SLIT2: variants seen among roughly 807,000 people sequenced by gnomAD.
The protein encoded by SLIT2 is slit guidance ligand 2, also known as slit homolog 2 protein.
In SLIT2, 41 loss-of-function variants were observed where a neutral mutation model predicts 185.7. The observed-to-expected ratio is 0.22, with a 90% confidence interval of 0.17 to 0.29. The LOEUF is 0.29. Among genes scored for constraint, SLIT2 ranks in the 10% least tolerant of loss-of-function variants. The probability of loss-of-function intolerance (pLI) is 1.00; values close to 1 mark genes in which losing one functional copy is unlikely to be tolerated. For missense variants in SLIT2, 1,571 were observed against 1,909.0 expected, an observed-to-expected ratio of 0.82 and a Z score of 3.30; for synonymous variants, 693 against 680.2, an observed-to-expected ratio of 1.02 and a Z score of -0.29.
intron 8 of SLIT2, among the ~76,000 whole-genome samples, chr4:20,490,414 A>G (rs1717678823): frequency 6.6e-6 from 1 of 151,918 alleles, no homozygotes; most frequent in Non-Finnish European, 1.5e-5. Context: ...CATACATAGT[A>G]TCTTATTTGT....
At chr4:20,583,911 C>G (rs1001414201) in intron 29 of SLIT2, among the ~76,000 whole-genome samples, 3 of 151,966 alleles carry the variant, frequency 2.0e-5, no homozygotes, top group Non-Finnish European at 4.4e-5. Flanking sequence ...GGTATTATTT[C>G]TCATAAAAAC....
At chr4:20,257,150 G>A (rs888081161) in intron 2 of SLIT2, among the ~76,000 whole-genome samples, 5 of 151,716 alleles carry the variant, frequency 3.3e-5, no homozygotes, top group Non-Finnish European at 7.4e-5. Flanking sequence ...ATTTTTTTGC[G>A]AAAATCTAAT....
At chr4:20,325,953 G>A (rs1048437164) in intron 4 of SLIT2, among the ~76,000 whole-genome samples, 3 of 152,070 alleles carry the variant, frequency 2.0e-5, no homozygotes, top group African/African-American at 7.2e-5. Flanking sequence ...TTCTCTGGCA[G>A]CCAAAAATTT....
At chr4:20,325,298 A>C (rs570231372) in intron 4 of SLIT2, among the ~76,000 whole-genome samples, 16 of 151,084 alleles carry the variant, frequency 1.1e-4, no homozygotes, top group Non-Finnish European at 1.9e-4. Flanking sequence ...GGAGAAAAAT[A>C]TCTCTGGGAC....
intron 12 of SLIT2, 39 bp downstream of exon 12, chr4:20,519,492 A>C: frequency 8.4e-7 from 1 of 1,193,970 alleles, no homozygotes; most frequent in Non-Finnish European, 1.2e-6. Flanking sequence ...GAGCCTAATA[A>C]TATATATTAG....
At chr4:20,542,851 TGTGTGTGTGTGC>T (rs748123429) in intron 21 of SLIT2, among the ~76,000 whole-genome samples, 3,140 of 109,592 alleles carry the variant, frequency 0.029, 89 homozygotes, top group Admixed American at 0.12. Context: ...TGTGTGTGTG[TGTGTGTGTGTGC>T]GCTATAAGAT....
intron 4 of SLIT2, among the ~76,000 whole-genome samples, chr4:20,307,445 T>C (rs1227241087): frequency 1.3e-5 from 2 of 151,818 alleles, no homozygotes; most frequent in Non-Finnish European, 2.9e-5. Context: ...TAATTTTTTT[T>C]CATAGAGGCA....
intron 4 of SLIT2, among the ~76,000 whole-genome samples, chr4:20,292,237 T>C (rs540419240): frequency 1.2e-3 from 178 of 152,256 alleles, no homozygotes; most frequent in Non-Finnish European, 2.1e-3. Flanking sequence ...AAATAATGAA[T>C]TGTAGGTTTC....
chr4:20,446,717 G>A (rs1711843344), intron 4 of SLIT2, among the ~76,000 whole-genome samples: 1 of 152,138 alleles, frequency 6.6e-6, no homozygotes, highest in African/African-American at 2.4e-5. Flanking sequence ...AATTAACTAA[G>A]TTTTAGGTAC....
At chr4:20,351,726 G>A (rs922720824) in intron 4 of SLIT2, among the ~76,000 whole-genome samples, 1 of 152,154 alleles carries the variant, frequency 6.6e-6, no homozygotes, top group Non-Finnish European at 1.5e-5. Flanking sequence ...ATGAAAGGAA[G>A]GCCCTGGGCT....
chr4:20,468,278 G>C (rs1366047389), intron 5 of SLIT2, among the ~76,000 whole-genome samples: 1 of 152,046 alleles, frequency 6.6e-6, no homozygotes, highest in East Asian at 1.9e-4. Flanking sequence ...TCTGGAAATA[G>C]TAGATAATAT....
At chr4:20,330,631 ATGTT>A (rs1719983620) in intron 4 of SLIT2, among the ~76,000 whole-genome samples, 1 of 152,028 alleles carries the variant, frequency 6.6e-6, no homozygotes, top group Non-Finnish European at 1.5e-5. Context: ...ATAGATATTT[ATGTT>A]TGTTAGCATA....
intron 26 of SLIT2, among the ~76,000 whole-genome samples, chr4:20,564,025 G>A (rs1426171245): frequency 1.3e-5 from 2 of 151,842 alleles, no homozygotes; most frequent in African/African-American, 4.8e-5. Flanking sequence ...CTGATCAAGT[G>A]TGGAAAATTC....
At chr4:20,577,315 A>G (rs1019257058) in intron 29 of SLIT2, among the ~76,000 whole-genome samples, 1 of 152,232 alleles carries the variant, frequency 6.6e-6, no homozygotes, top group Admixed American at 6.5e-5. Flanking sequence ...CTTAGAAAAC[A>G]AAAATAGGAA....
chr4:20,351,845 C>A (rs1721906865), intron 4 of SLIT2, among the ~76,000 whole-genome samples: 1 of 152,194 alleles, frequency 6.6e-6, no homozygotes, highest in South Asian at 2.1e-4. Context: ...TGAATGTCAG[C>A]AGAGGTCTAT....
intron 30 of SLIT2, among the ~76,000 whole-genome samples, chr4:20,594,244 C>A (rs1727780021): frequency 6.9e-6 from 1 of 145,918 alleles, no homozygotes; most frequent in East Asian, 2.0e-4. Context: ...TGTGTATATA[C>A]ATATACATAT....
rs376931594 is a variant in SLIT2 at position 20,472,562 on chromosome 4, A to C, written c.467+4739A>C. Among the ~76,000 whole-genome samples the C allele has an allele frequency of 1.7e-4, 4 of 24,096 alleles. 1 individual carries two copies. Among genetic ancestry groups the C allele is most frequent in the Non-Finnish European group, 2.4e-4 (4 of 16,460 alleles). The allele number at this position is 24,096 out of a possible 152,430, so 15.8% of individuals were successfully genotyped here. ...TATCTATATCTATATATAGATATAT[A>C]TCTATATATAGATATATCTATATAT... On this transcript the variant is annotated intron_variant, in intron 5 of 36. Coordinates refer to ENST00000504154, the MANE Select transcript of SLIT2 (RefSeq NM_004787.4).
intron 4 of SLIT2, among the ~76,000 whole-genome samples, chr4:20,317,263 C>A (rs73803872): frequency 0.065 from 9,850 of 150,736 alleles, 642 homozygotes; most frequent in African/African-American, 0.17. Flanking sequence ...TTTATATAGA[C>A]AAAAATGCTT....
At chr4:20,449,884 G>A (rs1410103978) in intron 4 of SLIT2, among the ~76,000 whole-genome samples, 3 of 151,950 alleles carry the variant, frequency 2.0e-5, no homozygotes, top group Non-Finnish European at 4.4e-5. Flanking sequence ...GAAACTATTC[G>A]ATTTATAACA....
Sources: gnomAD v4.1 joint callset for allele counts (sites outside exome capture counted in the v4.1 genomes callset) on GRCh38, gnomAD v4.1.1 for gene constraint, MANE v1.5 for transcripts, NCBI Gene and HGNC (gene_info 2026-07-23, HGNC 2026-07-21) for gene names.